Variants in PDCD11 observed in about 807,000 individuals in gnomAD.
The protein encoded by PDCD11 is protein RRP5 homolog.
PDCD11 carries 97 observed loss-of-function variants against 198.9 expected under a neutral mutation model. That is an observed-to-expected ratio of 0.49 (90% CI 0.41 to 0.58). PDCD11 has a LOEUF of 0.58. Ranked by LOEUF, PDCD11 falls within the 20% of genes least tolerant of loss-of-function variation. The probability of loss-of-function intolerance (pLI) is 0.00; values close to 1 mark genes in which losing one functional copy is unlikely to be tolerated. For synonymous variants in PDCD11, 893 were observed against 918.0 expected (o/e 0.97, Z 0.49); for missense variants, 2,102 against 2,312.7 (o/e 0.91, Z 1.87).
At position 103,425,326 on chromosome 10, in the gene PDCD11, G is replaced by A. The variant is rs747900290; in HGVS notation, c.3106G>A (p.Gly1036Arg). 1.1e-5 allele frequency: 17 copies of A among 1,613,978 alleles called. No individual in the cohort carries two copies. The highest frequency in any genetic ancestry group is 1.4e-5 in the Non-Finnish European group (16 of 1,180,022). The change falls in exon 20 of 36, where the codon GGG (glycine) becomes AGG (arginine). Residue 1036 changes from glycine (G) to arginine (R), a missense_variant. By Grantham distance (125) the Gly-to-Arg change is moderately radical. Coordinates refer to ENST00000369797, the MANE Select transcript of PDCD11 (RefSeq NM_014976.2). ...GTIKKHTLSI[G>R]DMVTGTVKSI... is the part of the protein sequence containing the mutation. ...CATAAAGAAGCACACCCTCTCCATC[G>A]GGGACATGGTCACAGGGACTGTCAA...
intron 30 of PDCD11, 23 bp downstream of exon 30, chr10:103,440,873 G>C: frequency 6.5e-7 from 1 of 1,532,980 alleles, no homozygotes; most frequent in Non-Finnish European, 8.9e-7. Flanking sequence ...TCGCGGGGAG[G>C]GGAAGGCTGC....
At chr10:103,428,214 A>G (rs1592133697) in intron 21 of PDCD11, among the ~76,000 whole-genome samples, 1 of 152,012 alleles carries the variant, frequency 6.6e-6, no homozygotes, top group South Asian at 2.1e-4. Flanking sequence ...CTGAGGCAGG[A>G]GAATTGCTTA....
chr10:103,417,917 C>T lies in PDCD11; in HGVS notation c.1896C>T (p.Ala632=). The change falls in exon 14 of 36, where the codon GCC becomes GCT. Residue 632 remains alanine (A), a synonymous_variant. Transcript: ENST00000369797. ...GACACAGTCAGAAGAAAGGAAAAGC[C>T]ATTAACATTGGGCAGGTACGTGGAC... The part of the protein sequence containing the change: ...PAGHSQKKGK[A]INIGQLVDVK... 6.2e-7 allele frequency: 1 copy of T among 1,614,156 alleles called. No homozygotes were observed. The highest frequency in any genetic ancestry group is 8.5e-7 in the Non-Finnish European group (1 of 1,180,028).
At chr10:103,419,002 A>G (rs1189218919) in intron 15 of PDCD11, among the ~76,000 whole-genome samples, 2 of 148,382 alleles carry the variant, frequency 1.3e-5, no homozygotes, top group Non-Finnish European at 3.0e-5. Flanking sequence ...TTTTTCCCCT[A>G]TGCCTTCTCC....
Position 103,421,457 on chromosome 10 carries a change from C to T in PDCD11, c.2387C>T (p.Ser796Leu). ...VDEEKQRMLLSLRLSDCGLGD... is the reference protein window; with the variant it reads ...VDEEKQRMLLLLRLSDCGLGD... ...GAGGAGAAGCAGCGGATGCTGCTGTCACTGCGGCTGTCGGACTGTGGTCTG... is the reference window on the plus strand; with the variant it reads ...GAGGAGAAGCAGCGGATGCTGCTGTTACTGCGGCTGTCGGACTGTGGTCTG... The change falls in exon 17 of 36, where the codon TCA becomes TTA. Residue 796 changes from serine to leucine, a missense_variant. Coordinates refer to ENST00000369797, the MANE Select transcript of PDCD11 (RefSeq NM_014976.2). 3 of 1,603,948 alleles carry T rather than the reference C, an allele frequency of 1.9e-6. No homozygotes were observed. Among genetic ancestry groups the T allele is most frequent in the Non-Finnish European group, 2.6e-6 (3 of 1,175,208 alleles).
intron 27 of PDCD11, 61 bp downstream of exon 27, chr10:103,438,869 G>A (rs1022830230): frequency 6.3e-7 from 1 of 1,587,576 alleles, no homozygotes; most frequent in Non-Finnish European, 8.6e-7. Flanking sequence ...TGTTGCTCTG[G>A]GGTCCACTGT....
rs780034571 is a variant in PDCD11, at chr10:103,414,108, A to G, written c.1310+18A>G. 6.2e-7 allele frequency: 1 copy of G among 1,605,614 alleles called. No individual in the cohort carries two copies. Among genetic ancestry groups the G allele is most frequent in the Non-Finnish European group, 8.5e-7 (1 of 1,175,274 alleles). On this transcript the variant is annotated intron_variant, in intron 10 of 35. Coordinates refer to ENST00000369797, the MANE Select transcript of PDCD11 (RefSeq NM_014976.2). Reference sequence around the variant, plus strand: ...CTACGAACGTAAGTCTGTCATTAACAGGTAGGGGTGTAGAGATGTGCACCT... The same window carrying G: ...CTACGAACGTAAGTCTGTCATTAACGGGTAGGGGTGTAGAGATGTGCACCT...
chr10:103,410,748 C>A (rs1362778424), intron 8 of PDCD11, among the ~76,000 whole-genome samples: 2 of 151,638 alleles, frequency 1.3e-5, no homozygotes, highest in East Asian at 3.9e-4. Context: ...GCTAGGACCA[C>A]AGATGTGTGC....
intron 1 of PDCD11, among the ~76,000 whole-genome samples, chr10:103,398,067 T>G (rs1230339756): frequency 6.6e-6 from 1 of 152,252 alleles, no homozygotes; most frequent in African/African-American, 2.4e-5. Context: ...ATAATTGTTT[T>G]ATCTTCCAAA....
At position 103,423,578 on chromosome 10, in the gene PDCD11, G is replaced by A. The variant is rs995856435; in HGVS notation, c.2683G>A (p.Val895Ile). 2 of 1,613,950 alleles carry A rather than the reference G, an allele frequency of 1.2e-6. No individual in the cohort carries two copies. Among genetic ancestry groups the A allele is most frequent in the African/African-American group, 1.3e-5 (1 of 74,932 alleles). The stretch of plus-strand genomic sequence containing the variant: ...GGAATCTGGGCAGAAAAAGAAGGTT[G>A]TTATCTTAAATGTTGATCTTTTGAA... Reference protein sequence around the residue: ...EVESGQKKKVVILNVDLLKLE... With the variant: ...EVESGQKKKVIILNVDLLKLE... The change falls in exon 19 of 36, where the codon GTT (valine) becomes ATT (isoleucine). Residue 895 changes from valine (V) to isoleucine (I), a missense_variant. Coordinates refer to ENST00000369797, the MANE Select transcript of PDCD11 (RefSeq NM_014976.2).
chr10:103,437,608 C>T (rs1028616769), intron 25 of PDCD11, among the ~76,000 whole-genome samples: 4 of 152,198 alleles, frequency 2.6e-5, no homozygotes, highest in Admixed American at 2.0e-4. Flanking sequence ...CTGCCTCAAC[C>T]TCCCCAGTAG....
chr10:103,438,661 G>A (rs200578264), intron 26 of PDCD11, 25 bp from the exon 27 acceptor site: 81 of 1,614,014 alleles, frequency 5.0e-5, no homozygotes, highest in Non-Finnish European at 6.1e-5. Context: ...TTAAAGGTGT[G>A]CATGTAAGCC....
chr10:103,440,189 G>A (rs560958804), intron 28 of PDCD11, 101 bp from the exon 29 acceptor site: 264 of 1,501,054 alleles, frequency 1.8e-4, no homozygotes, highest in Middle Eastern at 7.6e-4. Flanking sequence ...TGGGGGCAGG[G>A]CCCAGAATCG....
intron 17 of PDCD11, 101 bp downstream of exon 17, chr10:103,421,668 G>GAA: frequency 2.9e-6 from 3 of 1,027,748 alleles, no homozygotes; most frequent in East Asian, 2.6e-5. Context: ...CAGAACATAA[G>GAA]AAAAAAAAAT....
rs780432643 is a variant in PDCD11, at chr10:103,427,365, C to T, written c.3342C>T (p.Thr1114=). Residue 1114 remains threonine, a synonymous_variant, in exon 21 of 36, where the codon ACC becomes ACT. Coordinates refer to ENST00000369797, the MANE Select transcript of PDCD11 (RefSeq NM_014976.2). ...TAAGTCACCCCAGATTCGTTCGAAC[C>T]ATCCCGGAGCTGAGTGTTCGGCCAA... ...LPISHPRFVR[T]IPELSVRPSE... The T allele has an allele frequency of 6.2e-7, 1 of 1,612,550 alleles. No individual in the cohort carries two copies. The highest frequency in any genetic ancestry group is 8.5e-7 in the Non-Finnish European group (1 of 1,179,270).
At chr10:103,409,149 T>C (rs1382163924) in intron 7 of PDCD11, among the ~76,000 whole-genome samples, 1 of 152,220 alleles carries the variant, frequency 6.6e-6, no homozygotes, top group East Asian at 1.9e-4. Context: ...TCCCAGAGAA[T>C]AGGTTTAGTA....
chr10:103,424,527 G>T (rs1424570376), intron 19 of PDCD11, among the ~76,000 whole-genome samples: 1 of 152,172 alleles, frequency 6.6e-6, no homozygotes, highest in Non-Finnish European at 1.5e-5. Context: ...GAGGCTAGGT[G>T]CCTTGCACAC....
intron 24 of PDCD11, 121 bp from the exon 25 acceptor site, chr10:103,434,677 C>T (rs2032075865): frequency 4.0e-6 from 3 of 753,750 alleles, no homozygotes; most frequent in Non-Finnish European, 4.2e-6. Context: ...TTCTGGATCA[C>T]TCAGCCCAGA....
At chr10:103,433,855 G>A in intron 22 of PDCD11, 93 bp from the exon 23 acceptor site, 1 of 930,058 alleles carries the variant, frequency 1.1e-6, no homozygotes, top group Non-Finnish European at 1.8e-6. Context: ...AAGTGTACTG[G>A]GGCCCTTTCC....
Sources: gnomAD v4.1 joint callset for allele counts (sites outside exome capture counted in the v4.1 genomes callset) on GRCh38, gnomAD v4.1.1 for gene constraint, MANE v1.5 for transcripts, NCBI Gene and HGNC (gene_info 2026-07-23, HGNC 2026-07-21) for gene names.